Variants in CTNND1 observed in about 807,000 individuals in gnomAD.
The protein encoded by CTNND1 is catenin delta 1.
In CTNND1, 16 loss-of-function variants were observed where a neutral mutation model predicts 112.1. The ratio of observed to expected loss-of-function variants is 0.14; its 90% CI spans 0.10 to 0.22. CTNND1 has a LOEUF of 0.22. Among genes scored for constraint, CTNND1 ranks in the 10% least tolerant of loss-of-function variants. The pLI, the probability that CTNND1 is intolerant of heterozygous loss-of-function variation, is 1.00. For synonymous variants in CTNND1, 420 were observed against 446.5 expected (o/e 0.94, Z 0.75); for missense variants, 1,008 against 1,257.0 (o/e 0.80, Z 3.00).
At chr11:57,782,453 A>G (rs1355884269) in intron 1 of CTNND1, among the ~76,000 whole-genome samples, 1 of 152,252 alleles carries the variant, frequency 6.6e-6, no homozygotes, top group African/African-American at 2.4e-5. Flanking sequence ...TCTGAGCCAC[A>G]GTAGGCTCAG....
intron 3 of CTNND1, among the ~76,000 whole-genome samples, chr11:57,791,882 G>A (rs992184933): frequency 6.6e-6 from 1 of 152,178 alleles, no homozygotes; most frequent in African/African-American, 2.4e-5. Flanking sequence ...ATCTCTAGAA[G>A]CATCCATCTG....
At chr11:57,762,193 T>C in intron 1 of CTNND1, 74 bp downstream of exon 1, 1 of 713,136 alleles carries the variant, frequency 1.4e-6, no homozygotes. Context: ...ATTTTTCTTT[T>C]CTACTTTCAG....
chr11:57,789,556 G>T (rs1229414703), intron 2 of CTNND1, among the ~76,000 whole-genome samples: 1 of 152,158 alleles, frequency 6.6e-6, no homozygotes, highest in African/African-American at 2.4e-5. Context: ...AGGGTAAAAA[G>T]ATAGTCTATT....
Position 57,797,041 on chromosome 11 carries a change from A to G in CTNND1, c.956+49A>G, listed in dbSNP as rs150623959. On this transcript the variant is annotated intron_variant, in intron 6 of 20. Coordinates refer to ENST00000399050, the MANE Select transcript of CTNND1 (RefSeq NM_001085458.2). ...AAAGGGTCTTTCCAAGACCAGGGAC[A>G]AGGGGTAGCTTTTCCTTCAACTTCT... is the stretch of plus-strand genomic sequence containing the variant. 3.1e-4 allele frequency: 432 copies of G among 1,396,372 alleles called. 2 individuals are homozygous for G. The African/African-American group carries it at 5.4e-3, about 17-fold the overall frequency. The allele number at this position is 1,396,372 out of a possible 1,614,324, so 86.5% of individuals were successfully genotyped here.
intron 1 of CTNND1, among the ~76,000 whole-genome samples, chr11:57,767,707 CTT>C (rs1284028244): frequency 2.6e-5 from 4 of 151,972 alleles, no homozygotes; most frequent in African/African-American, 9.7e-5. Context: ...TGTTGTGACA[CTT>C]AAGTTATTTA....
chr11:57,801,533 G>T (rs373804952), intron 6 of CTNND1, among the ~76,000 whole-genome samples, 200 bp from the exon 7 acceptor site: 3 of 152,274 alleles, frequency 2.0e-5, no homozygotes, highest in South Asian at 4.1e-4. Context: ...TAAATTGCAG[G>T]TGTTTTTAAA....
At chr11:57,799,132 T>C (rs1291258441) in intron 6 of CTNND1, among the ~76,000 whole-genome samples, 1 of 152,238 alleles carries the variant, frequency 6.6e-6, no homozygotes, top group Non-Finnish European at 1.5e-5. Context: ...TATCTAAGAC[T>C]GAGTCACTCA....
rs781320666 is a variant in CTNND1 at position 57,803,900 on chromosome 11, C to G, written c.1604+96C>G. The G allele has an allele frequency of 5.1e-6, 5 of 971,752 alleles. No homozygotes were observed. In the Admixed American group the frequency reaches 1.5e-4, roughly 29 times the overall value. 60.2% of individuals were successfully genotyped at this position (971,752 alleles called of 1,614,324 possible). On this transcript the variant is annotated intron_variant, in intron 8 of 20. Transcript: ENST00000399050. ...AAAAATTAAAATTCTTTAGCCTATT[C>G]TTTAGCCTCCATTCCTATCTGTATT... is the stretch of plus-strand genomic sequence containing the variant.
intron 8 of CTNND1, 146 bp from the exon 9 acceptor site, chr11:57,804,517 C>A: frequency 1.6e-6 from 1 of 614,138 alleles, no homozygotes; most frequent in East Asian, 2.9e-5. Flanking sequence ...AATCAACTTT[C>A]TCTCAACTGC....
intron 1 of CTNND1, among the ~76,000 whole-genome samples, chr11:57,783,235 G>A (rs1277039345): frequency 6.6e-5 from 10 of 152,078 alleles, no homozygotes; most frequent in African/African-American, 2.2e-4. Flanking sequence ...GCAGTGAGCC[G>A]AGATGACGGC....
intron 18 of CTNND1, among the ~76,000 whole-genome samples, chr11:57,814,906 C>A (rs919227162): frequency 1.3e-5 from 2 of 152,084 alleles, no homozygotes; most frequent in Non-Finnish European, 2.9e-5. Flanking sequence ...TTCAGACAAA[C>A]CTCTTGTTTA....
chr11:57,769,099 G>A (rs1229257762), intron 1 of CTNND1, among the ~76,000 whole-genome samples: 12 of 151,574 alleles, frequency 7.9e-5, no homozygotes, highest in African/African-American at 2.7e-4. Context: ...TTGAGGTCAG[G>A]AGTTTGAGAC....
At chr11:57,768,514 C>T (rs963899795) in intron 1 of CTNND1, among the ~76,000 whole-genome samples, 1 of 151,272 alleles carries the variant, frequency 6.6e-6, no homozygotes, top group African/African-American at 2.4e-5. Flanking sequence ...CTGCCTCAGC[C>T]TCCCGAGTAG....
chr11:57,770,295 A>G (rs1424615388), intron 1 of CTNND1, among the ~76,000 whole-genome samples: 4 of 151,648 alleles, frequency 2.6e-5, no homozygotes, highest in Non-Finnish European at 5.9e-5. Flanking sequence ...GCACCACTGC[A>G]CTCCAGCCTG....
At chr11:57,768,873 G>C (rs997957508) in intron 1 of CTNND1, among the ~76,000 whole-genome samples, 10 of 152,092 alleles carry the variant, frequency 6.6e-5, no homozygotes, top group Non-Finnish European at 1.0e-4. Flanking sequence ...CTAGAAACTT[G>C]CGGGTTTATT....
At chr11:57,765,617 C>T (rs114051900) in intron 1 of CTNND1, among the ~76,000 whole-genome samples, 126 of 151,858 alleles carry the variant, frequency 8.3e-4, no homozygotes, top group African/African-American at 3.0e-3. Flanking sequence ...TGGGTGCACA[C>T]CACTATGCTT....
At position 57,816,392 on chromosome 11, in the gene CTNND1, G is replaced by A. The variant is rs374037566; in HGVS notation, c.*84G>A. 4.0e-5 allele frequency: 62 copies of A among 1,568,102 alleles called. No individual in the cohort carries two copies. Among genetic ancestry groups the A allele is most frequent in the Non-Finnish European group, 4.8e-5 (55 of 1,141,936 alleles). Reference sequence around the variant, plus strand: ...TGACTGATGATTTTCCTTTTTCTTCGCTGGACTATTGTGCCAACTGCCAGG... The same window carrying A: ...TGACTGATGATTTTCCTTTTTCTTCACTGGACTATTGTGCCAACTGCCAGG... On this transcript the variant is annotated 3_prime_UTR_variant, in exon 21 of 21. Transcript: ENST00000399050.
In CTNND1 at chr11:57,803,832, A is replaced by G. The variant is rs2062308819; in HGVS notation, c.1604+28A>G. On this transcript the variant is annotated intron_variant, in intron 8 of 20. Transcript: ENST00000399050. ...AACAGTAGGGACTTTGAGAATATGA[A>G]GATGAATTTTTGAGGACTGACTTAA... 8 of 1,509,204 alleles carry G rather than the reference A, an allele frequency of 5.3e-6. No individual in the cohort carries two copies. The Admixed American group carries it at 9.3e-5, about 18-fold the overall frequency. 93.5% of individuals were successfully genotyped at this position (1,509,204 alleles called of 1,614,324 possible).
intron 6 of CTNND1, 31 bp downstream of exon 6, chr11:57,797,023 C>G (rs372838679): frequency 7.1e-7 from 1 of 1,417,956 alleles, no homozygotes; most frequent in Non-Finnish European, 9.3e-7. Context: ...AGAAAAGGGT[C>G]TTTCCAAGAC....
Sources: allele counts gnomAD v4.1 joint callset (sites outside exome capture counted in the v4.1 genomes callset), GRCh38; gene constraint gnomAD v4.1.1; transcripts MANE v1.5; gene names NCBI Gene and HGNC (gene_info 2026-07-23, HGNC 2026-07-21).